MUTYH: variants seen among roughly 807,000 people sequenced by gnomAD.
MUTYH encodes adenine DNA glycosylase.
In MUTYH, 64 loss-of-function variants were observed where a neutral mutation model predicts 72.9. The ratio of observed to expected loss-of-function variants is 0.88; its 90% confidence interval spans 0.72 to 1.08. MUTYH has a LOEUF of 1.08. Among genes scored for constraint, MUTYH ranks in the 50% least tolerant of loss-of-function variants. MUTYH has a pLI of 0.00. For missense variants in MUTYH, 633 were observed against 671.0 expected (o/e 0.94, Z 0.63); for synonymous variants, 234 against 263.1 (o/e 0.89, Z 1.07).
chr1:45,340,160 C>T, upstream of MUTYH: 1 of 1,601,924 alleles, frequency 6.2e-7, no homozygotes, highest in Non-Finnish European at 8.5e-7. Flanking sequence ...ACGGCGAGAC[C>T]CCGCCCCATC....
At chr1:45,338,363 G>A (rs2149224329) in intron 1 of MUTYH, 1 of 487,150 alleles carries the variant, frequency 2.1e-6, no homozygotes, top group Non-Finnish European at 4.0e-6. Flanking sequence ...TGCCCACCTT[G>A]GGGCCTCACA....
In MUTYH at chr1:45,332,260, T is replaced by G. The variant is rs2149139623; in HGVS notation, c.755A>C (p.Gln252Pro). ...TGTGGCCCCTAGCTCCATGGCTGCTTGGTTGAAATCTCCTGGCCGGGCTGG... is the reference window on the plus strand; with the variant it reads ...TGTGGCCCCTAGCTCCATGGCTGCTGGGTTGAAATCTCCTGGCCGGGCTGG... The part of the protein sequence containing the change: ...VDPARPGDFN[Q>P]AAMELGATVC... Residue 252 changes from glutamine to proline, a missense_variant, in exon 10 of 16, where the codon CAA becomes CCA. Gln to Pro is a moderately conservative substitution (Grantham distance 76). Transcript: ENST00000456914. The G allele has an allele frequency of 6.2e-7, 1 of 1,614,030 alleles. No homozygotes were observed. The highest frequency in any genetic ancestry group is 1.3e-5 in the African/African-American group (1 of 75,018).
rs1161972119 is a variant in MUTYH at position 45,329,433 on chromosome 1, G to T, written c.1439C>A (p.Ser480Tyr). ...QGQQPGTCMGSKRSQVSSPCS... is the reference protein window; with the variant it reads ...QGQQPGTCMGYKRSQVSSPCS... ...CGGAGAGGACACCTGGGACCTTTTG[G>T]AACCCTGTGAAAAAATGGAAGGAGG... Residue 480 changes from serine to tyrosine, a missense_variant, in exon 16 of 16, where the codon TCC becomes TAC. Coordinates refer to ENST00000456914, the MANE Select transcript of MUTYH (RefSeq NM_001048174.2). 3 of 1,613,828 alleles carry T rather than the reference G, an allele frequency of 1.9e-6. No individual in the cohort carries two copies. In the African/African-American group the frequency reaches 4.0e-5, roughly 22 times the overall value.
intron 15 of MUTYH, 36 bp downstream of exon 15, chr1:45,330,480 G>A (rs1644604974): frequency 6.3e-7 from 1 of 1,597,506 alleles, no homozygotes; most frequent in Admixed American, 1.7e-5. Flanking sequence ...ACTCAGGCCT[G>A]GGGAGACACG....
intron 1 of MUTYH, among the ~76,000 whole-genome samples, chr1:45,338,997 G>A (rs1029194060): frequency 2.0e-5 from 3 of 151,924 alleles, no homozygotes; most frequent in Admixed American, 2.0e-4. Flanking sequence ...GAACTCCTAG[G>A]GTCAAGCGAT....
chr1:45,330,213 A>G, intron 15 of MUTYH: 1 of 307,566 alleles, frequency 3.3e-6, no homozygotes, highest in Non-Finnish European at 5.8e-6. Context: ...AGCTTGGGTG[A>G]CAGTGAGACT....
intron 1 of MUTYH, among the ~76,000 whole-genome samples, chr1:45,337,003 C>T (rs1182389885): frequency 6.6e-6 from 1 of 152,016 alleles, no homozygotes; most frequent in East Asian, 1.9e-4. Flanking sequence ...AATCAAATCC[C>T]ACCCTCCTTC....
Position 45,330,537 on chromosome 1 carries a change from G to T in MUTYH, c.1413C>A (p.Gly471=). 6.2e-7 allele frequency: 1 copy of T among 1,609,876 alleles called. No homozygotes were observed. Among genetic ancestry groups the T allele is most frequent in the Non-Finnish European group, 8.5e-7 (1 of 1,177,882 alleles). The stretch of plus-strand genomic sequence containing the variant: ...TTACCATACAGGTCCCTGGCTGTTG[G>T]CCCTGATACACACGGAAAACCTAGA... ...AMKKVFRVYQ[G]QQPGTCMGSK... is the part of the protein sequence containing the mutation. The change falls in exon 15 of 16, where the codon GGC becomes GGA. Residue 471 remains glycine, a synonymous_variant. Transcript: ENST00000456914.
At position 45,332,421 on chromosome 1, in the gene MUTYH, G is replaced by C. The variant is rs564919438; in HGVS notation, c.674C>G (p.Pro225Arg). Residue 225 changes from proline to arginine, a missense_variant, in exon 9 of 16, where the codon CCC becomes CGC. Physicochemically the swap from Pro to Arg is moderately radical, Grantham distance 103. Transcript: ENST00000456914. ...LCRVRAIGAD[P>R]SSTLVSQQLW... ...CTGCTGGGAAACAAGGGTGCTGCTG[G>C]GATCAGCACCAATGGCTCGGACACG... The C allele has an allele frequency of 1.9e-6, 3 of 1,614,172 alleles. No homozygotes were observed. The South Asian group carries it at 3.3e-5, about 18-fold the overall frequency.
At position 45,330,442 on chromosome 1, in the gene MUTYH, C is replaced by T. The variant is rs1288828532; in HGVS notation, c.1434+74G>A. ...AGTGGAGAATGTTCACCCAGACATT[C>T]GTTAGTTAACTGACTAAAAACCTAT... On this transcript the variant is annotated intron_variant, in intron 15 of 15. Transcript: ENST00000456914. The T allele has an allele frequency of 2.0e-5, 29 of 1,462,720 alleles. No homozygotes were observed. In the South Asian group the frequency reaches 2.2e-4, roughly 11 times the overall value. 90.6% of individuals were successfully genotyped at this position (1,462,720 alleles called of 1,614,324 possible).
chr1:45,330,736 G>A (rs1301237648), intron 14 of MUTYH, among the ~76,000 whole-genome samples, 179 bp from the exon 15 acceptor site: 4 of 151,770 alleles, frequency 2.6e-5, no homozygotes, highest in Non-Finnish European at 5.9e-5. Context: ...GATCACTTGA[G>A]GCCAGGAGTT....
Position 45,332,622 on chromosome 1 carries a change from G to A in MUTYH, c.558C>T (p.Gly186=), listed in dbSNP as rs1057524506. ...TGGCCCCAGCTGTGTAGCGCCCCAC[G>A]CCAGGCAGGAGCTGCTGCAGGGTCT... ...TAETLQQLLP[G]VGRYTAGAIA... The change falls in exon 8 of 16, where the codon GGC becomes GGT. Residue 186 remains glycine (G), a synonymous_variant. Coordinates refer to ENST00000456914, the MANE Select transcript of MUTYH (RefSeq NM_001048174.2). 7.4e-6 allele frequency: 12 copies of A among 1,614,006 alleles called. No individual in the cohort carries two copies. The highest frequency in any genetic ancestry group is 1.1e-5 in the South Asian group (1 of 91,090).
chr1:45,340,046 G>A (rs1646766522), upstream of MUTYH: 15 of 1,540,876 alleles, frequency 9.7e-6, no homozygotes, highest in Non-Finnish European at 1.2e-5. Flanking sequence ...CACCCGGGCT[G>A]CGAGCCGGCA....
At position 45,333,571 on chromosome 1, in the gene MUTYH, C is replaced by T. The variant is rs1645387931; in HGVS notation, c.116-10G>A. 1 of 1,612,820 alleles carries T rather than the reference C, an allele frequency of 6.2e-7. No individual in the cohort carries two copies. The highest frequency in any genetic ancestry group is 8.5e-7 in the Non-Finnish European group (1 of 1,179,188). The stretch of plus-strand genomic sequence containing the variant: ...GGCTGCCTGGCCAGGCCTGCTGGGG[C>T]CCCAGGACACTCAGCAATCATCCCT... On this transcript the variant is annotated splice_polypyrimidine_tract_variant and intron_variant, in intron 2 of 15. Coordinates refer to ENST00000456914, the MANE Select transcript of MUTYH (RefSeq NM_001048174.2).
chr1:45,338,409 T>G, intron 1 of MUTYH: 1 of 427,710 alleles, frequency 2.3e-6, no homozygotes, highest in South Asian at 2.1e-5. Flanking sequence ...TTTTATGCTT[T>G]TACCTAACAC....
Position 45,332,768 on chromosome 1 carries a change from G to C in MUTYH, c.487C>G (p.Arg163Gly), listed in dbSNP as rs761101420. The C allele has an allele frequency of 1.2e-6, 2 of 1,614,080 alleles. No individual in the cohort carries two copies. Among genetic ancestry groups the C allele is most frequent in the Admixed American group, 1.7e-5 (1 of 60,012 alleles). Residue 163 changes from arginine to glycine, a missense_variant, in exon 7 of 16, where the codon CGG (arginine) becomes GGG (glycine). Transcript: ENST00000456914. Reference protein sequence around the residue: ...SRGRRLQEGARKVVEELGGHM... With the variant: ...SRGRRLQEGAGKVVEELGGHM... ...CCCTCCTGCCATCCCCTTACCTTCC[G>C]AGCTCCCTCCTGCAGCCGCCGGCCA...
chr1:45,333,257 T>G, intron 4 of MUTYH, 28 bp downstream of exon 4: 1 of 1,614,170 alleles, frequency 6.2e-7, no homozygotes, highest in Admixed American at 1.7e-5. Context: ...CGAGGCAAAG[T>G]GGCCCTGCTC....
intron 1 of MUTYH, among the ~76,000 whole-genome samples, chr1:45,335,001 T>G (rs1645667553): frequency 6.6e-6 from 1 of 152,188 alleles, no homozygotes; most frequent in Admixed American, 6.5e-5. Flanking sequence ...GGACAAAAGA[T>G]CTGTCTGAGA....
At chr1:45,337,650 C>A (rs1646101620) in intron 1 of MUTYH, among the ~76,000 whole-genome samples, 1 of 152,008 alleles carries the variant, frequency 6.6e-6, no homozygotes, top group African/African-American at 2.4e-5. Context: ...AAGTGAAGAA[C>A]AGCTTGAGCC....
Sources: allele counts gnomAD v4.1 joint callset (sites outside exome capture counted in the v4.1 genomes callset), GRCh38; gene constraint gnomAD v4.1.1; transcripts MANE v1.5; gene names NCBI Gene and HGNC (gene_info 2026-07-23, HGNC 2026-07-21).